Variants in RGS7 observed in about 807,000 individuals in gnomAD.
RGS7 encodes the protein regulator of G protein signaling 7.
Under a neutral mutation model 81.1 loss-of-function variants are expected in RGS7, and 27 were observed. The ratio of observed to expected loss-of-function variants is 0.33; its 90% CI spans 0.25 to 0.46. The LOEUF is 0.46. RGS7 is among the 20% of genes least tolerant of loss of function. The probability of loss-of-function intolerance (pLI) is 1.00; values close to 1 mark genes in which losing one functional copy is unlikely to be tolerated. For synonymous variants in RGS7, 208 were observed against 207.7 expected (o/e 1.00, Z -0.01); for missense variants, 396 against 607.4 (o/e 0.65, Z 3.66).
intron 2 of RGS7, among the ~76,000 whole-genome samples, chr1:241,204,931 C>G (rs1439001587): frequency 6.6e-6 from 1 of 152,048 alleles, no homozygotes; most frequent in Non-Finnish European, 1.5e-5. Context: ...ATAATATACA[C>G]ATATGTATAT....
intron 2 of RGS7, among the ~76,000 whole-genome samples, chr1:241,226,096 G>C (rs942110085): frequency 1.3e-5 from 2 of 152,116 alleles, no homozygotes; most frequent in Admixed American, 1.3e-4. Context: ...TGATGGAGAT[G>C]AGAGCACCCA....
chr1:240,871,196 G>T (rs1235228703), intron 6 of RGS7, among the ~76,000 whole-genome samples: 1 of 152,152 alleles, frequency 6.6e-6, no homozygotes, highest in Non-Finnish European at 1.5e-5. Context: ...TGAGTCTCAT[G>T]AAACTCAAGA....
chr1:241,063,191 T>C (rs1020575459), intron 3 of RGS7, among the ~76,000 whole-genome samples: 3 of 152,236 alleles, frequency 2.0e-5, no homozygotes, highest in African/African-American at 7.2e-5. Context: ...TCCCAACTTT[T>C]ATAATGACAG....
intron 3 of RGS7, among the ~76,000 whole-genome samples, chr1:241,072,724 G>A (rs1238012417): frequency 6.6e-6 from 1 of 152,138 alleles, no homozygotes; most frequent in East Asian, 1.9e-4. Flanking sequence ...TTATGCACCT[G>A]TCTTTTCTCG....
chr1:241,046,076 T>TTTTG (rs543638949), intron 3 of RGS7, among the ~76,000 whole-genome samples: 1 of 152,178 alleles, frequency 6.6e-6, no homozygotes, highest in African/African-American at 2.4e-5. Context: ...TTTAGGGTTT[T>TTTTG]TTTGTTTGTT....
At position 240,850,393 on chromosome 1, in the gene RGS7, G is replaced by A. The variant is rs1044035449; in HGVS notation, c.609+18194C>T. Reference sequence around the variant, plus strand: ...ATCAGTGATGCTTGATGTTATTGTCGTGATCGTTTTGGGATGCCACAGGCC... The same window carrying A: ...ATCAGTGATGCTTGATGTTATTGTCATGATCGTTTTGGGATGCCACAGGCC... On this transcript the variant is annotated intron_variant, in intron 9 of 18. Transcript: ENST00000440928. Among the ~76,000 whole-genome samples, 5 of 152,200 alleles carry A rather than the reference G, an allele frequency of 3.3e-5. No homozygotes were observed. The South Asian group carries it at 8.3e-4, about 25-fold the overall frequency.
At chr1:240,980,676 C>T (rs1392720009) in intron 4 of RGS7, among the ~76,000 whole-genome samples, 1 of 152,146 alleles carries the variant, frequency 6.6e-6, no homozygotes, top group Non-Finnish European at 1.5e-5. Flanking sequence ...ATCAGAATAG[C>T]CACCAGATTG....
At chr1:240,939,626 G>A (rs1384473534) in intron 4 of RGS7, among the ~76,000 whole-genome samples, 1 of 152,146 alleles carries the variant, frequency 6.6e-6, no homozygotes, top group African/African-American at 2.4e-5. Flanking sequence ...TGAAAACACT[G>A]GATGAATTGT....
At chr1:241,157,805 T>G (rs2069283726) in intron 2 of RGS7, among the ~76,000 whole-genome samples, 1 of 133,196 alleles carries the variant, frequency 7.5e-6, no homozygotes, top group Non-Finnish European at 1.5e-5. Flanking sequence ...TAAACTTTTT[T>G]CTTTTCTTTT....
At chr1:241,315,261 T>G (rs748985416) in intron 2 of RGS7, among the ~76,000 whole-genome samples, 1 of 151,758 alleles carries the variant, frequency 6.6e-6, no homozygotes, top group Non-Finnish European at 1.5e-5. Context: ...CTTGAATTAT[T>G]TGAAGTTGAA....
chr1:241,069,748 G>A (rs960506455), intron 3 of RGS7, among the ~76,000 whole-genome samples: 24 of 151,968 alleles, frequency 1.6e-4, no homozygotes, highest in Non-Finnish European at 2.9e-4. Flanking sequence ...CGAAACATCA[G>A]AAAATATTCT....
intron 2 of RGS7, among the ~76,000 whole-genome samples, chr1:241,151,855 A>G (rs541532562): frequency 1.1e-4 from 16 of 152,298 alleles, no homozygotes; most frequent in Non-Finnish European, 1.8e-4. Context: ...ACTTAATCAC[A>G]GAGGGAGAAA....
chr1:241,296,373 G>A (rs954765877), intron 2 of RGS7, among the ~76,000 whole-genome samples: 3 of 152,196 alleles, frequency 2.0e-5, no homozygotes, highest in Admixed American at 2.0e-4. Context: ...GATGTGAAAT[G>A]TTATGCAAAG....
chr1:241,009,615 C>T lies in RGS7; in HGVS notation c.176-26486G>A, dbSNP rs938042559. Among the ~76,000 whole-genome samples, 6 of 152,130 alleles carry T rather than the reference C, an allele frequency of 3.9e-5. 1 individual carries two copies. Among genetic ancestry groups the T allele is most frequent in the African/African-American group, 1.4e-4 (6 of 41,414 alleles). ...AAATAGGAGGTACCATTCAGATTTC[C>T]CAGCCATTACTGAGTTGAAAACTGG... On this transcript the variant is annotated intron_variant, in intron 3 of 18. Coordinates refer to ENST00000440928, the MANE Select transcript of RGS7 (RefSeq NM_001364886.1).
At chr1:241,068,482 T>A (rs2062230180) in intron 3 of RGS7, among the ~76,000 whole-genome samples, 1 of 151,680 alleles carries the variant, frequency 6.6e-6, no homozygotes. Flanking sequence ...TTCACTCATT[T>A]AAGATTTACA....
chr1:241,256,774 T>A (rs1352665741), intron 2 of RGS7, among the ~76,000 whole-genome samples: 1 of 152,136 alleles, frequency 6.6e-6, no homozygotes, highest in East Asian at 1.9e-4. Flanking sequence ...ACACTCATGA[T>A]CAATTTACCT....
chr1:241,153,408 G>C (rs78588951), intron 2 of RGS7, among the ~76,000 whole-genome samples: 1 of 152,086 alleles, frequency 6.6e-6, no homozygotes, highest in Non-Finnish European at 1.5e-5. Flanking sequence ...ATGAGGCGCT[G>C]AACAATTTGG....
chr1:240,947,509 G>T (rs560892584), intron 4 of RGS7, among the ~76,000 whole-genome samples: 2 of 152,188 alleles, frequency 1.3e-5, no homozygotes, highest in Admixed American at 6.5e-5. Flanking sequence ...AGCTTGGATC[G>T]TCTGATGTCT....
intron 3 of RGS7, among the ~76,000 whole-genome samples, chr1:241,091,279 T>TG (rs1475055222): frequency 2.0e-5 from 3 of 152,306 alleles, no homozygotes; most frequent in East Asian, 3.9e-4. Context: ...CCGGGCACTG[T>TG]GGCTCACGCC....
Sources: gnomAD v4.1 joint callset for allele counts (sites outside exome capture counted in the v4.1 genomes callset) on GRCh38, gnomAD v4.1.1 for gene constraint, MANE v1.5 for transcripts, NCBI Gene and HGNC (gene_info 2026-07-23, HGNC 2026-07-21) for gene names.